Variants in SYT16 observed in about 807,000 individuals in gnomAD.
SYT16 encodes synaptotagmin 16.
SYT16 carries 42 observed loss-of-function variants against 61.4 expected under a neutral mutation model. The ratio of observed to expected loss-of-function variants is 0.68; its 90% CI spans 0.53 to 0.89. The LOEUF is 0.89. SYT16 is among the 40% of genes least tolerant of loss of function. The probability of loss-of-function intolerance (pLI) is 0.00; values close to 1 mark genes in which losing one functional copy is unlikely to be tolerated. For synonymous variants in SYT16, 314 were observed against 302.3 expected (o/e 1.04, Z -0.40); for missense variants, 804 against 807.3 (o/e 1.00, Z 0.05).
chr14:61,953,459 C>T (rs1474608343), intron 1 of SYT16, among the ~76,000 whole-genome samples: 3 of 152,094 alleles, frequency 2.0e-5, no homozygotes, highest in East Asian at 3.9e-4. Context: ...AGACCTCTCT[C>T]TTGTACTCTG....
At chr14:61,882,227 C>T (rs2047726353) in intron 1 of SYT16, among the ~76,000 whole-genome samples, 1 of 151,972 alleles carries the variant, frequency 6.6e-6, no homozygotes, top group Non-Finnish European at 1.5e-5. Flanking sequence ...GGATAATAAA[C>T]AAGAGAGTAC....
At chr14:61,944,403 CA>C (rs1263443918) in intron 1 of SYT16, among the ~76,000 whole-genome samples, 1 of 152,038 alleles carries the variant, frequency 6.6e-6, no homozygotes, top group African/African-American at 2.4e-5. Flanking sequence ...CATATGGAAC[CA>C]AAAAAGAGCC....
chr14:62,067,752 C>G (rs2140936287), intron 3 of SYT16, among the ~76,000 whole-genome samples: 1 of 152,154 alleles, frequency 6.6e-6, no homozygotes, highest in South Asian at 2.1e-4. Context: ...CCTGTAATCC[C>G]AACACTTTGG....
At chr14:62,043,292 C>T (rs1364039084) in intron 3 of SYT16, among the ~76,000 whole-genome samples, 1 of 151,774 alleles carries the variant, frequency 6.6e-6, no homozygotes, top group East Asian at 1.9e-4. Flanking sequence ...GTTTCGCTAT[C>T]GACTGTGATG....
intron 1 of SYT16, among the ~76,000 whole-genome samples, chr14:61,934,531 T>C (rs535849121): frequency 1.3e-5 from 2 of 152,326 alleles, no homozygotes; most frequent in East Asian, 3.9e-4. Flanking sequence ...ACTACACTTG[T>C]GGGTAGCACG....
chr14:61,912,322 A>G (rs1289013451), intron 1 of SYT16, among the ~76,000 whole-genome samples: 1 of 152,182 alleles, frequency 6.6e-6, no homozygotes. Context: ...ATTCATTTTC[A>G]TTTTGCTTAC....
intron 3 of SYT16, among the ~76,000 whole-genome samples, chr14:62,015,018 C>A (rs1432890200): frequency 6.6e-6 from 1 of 152,230 alleles, no homozygotes; most frequent in South Asian, 2.1e-4. Flanking sequence ...TCTCAAGCAG[C>A]ATTTTCTCTA....
At chr14:62,098,101 A>G (rs17099516) in intron 7 of SYT16, among the ~76,000 whole-genome samples, 32,987 of 152,234 alleles carry the variant, frequency 0.22, 3,783 homozygotes, top group East Asian at 0.4. Flanking sequence ...CATCAAACTG[A>G]AATAGAAAAA....
At position 61,987,088 on chromosome 14, in the gene SYT16, G is replaced by T. The variant is rs2052347910; in HGVS notation, c.-144-8788G>T. ...GGGTGTTATGGGAGAATATTTCAGC[G>T]ACATCATTTAGTGTGGATTATGGCG... On this transcript the variant is annotated intron_variant, in intron 2 of 7. Transcript: ENST00000683842. 2.0e-5 allele frequency among the ~76,000 whole-genome samples: 3 copies of T among 152,124 alleles called. 1 individual carries two copies. The South Asian group carries it at 6.2e-4, about 32-fold the overall frequency.
intron 3 of SYT16, among the ~76,000 whole-genome samples, chr14:62,057,053 C>T (rs1426649060): frequency 1.3e-5 from 2 of 152,150 alleles, no homozygotes; most frequent in Non-Finnish European, 2.9e-5. Flanking sequence ...AAAGCCCAGG[C>T]CGTGCAAAGG....
chr14:62,075,323 A>G lies in SYT16; in HGVS notation c.925A>G (p.Thr309Ala). 1 of 1,613,922 alleles carries G rather than the reference A, an allele frequency of 6.2e-7. No homozygotes were observed. Residue 309 changes from threonine (T) to alanine (A), a missense_variant, in exon 5 of 8, where the codon ACA becomes GCA. Transcript: ENST00000683842. ...CACAGAGGGCAGCTTGGAGATGGAG[A>G]CAGCTTTTAATAGCCGGGGATTTGA... ...QSTEGSLEME[T>A]AFNSRGFEDS...
At chr14:61,982,589 T>C (rs1374563917) in intron 2 of SYT16, among the ~76,000 whole-genome samples, 1 of 152,126 alleles carries the variant, frequency 6.6e-6, no homozygotes, top group Non-Finnish European at 1.5e-5. Flanking sequence ...TTATGGGAGC[T>C]ACAGTTCAAG....
chr14:61,975,611 T>G (rs1217365781), intron 2 of SYT16, among the ~76,000 whole-genome samples: 1 of 152,084 alleles, frequency 6.6e-6, no homozygotes, highest in African/African-American at 2.4e-5. Context: ...ACTCACTCAC[T>G]ATCATTAGAA....
chr14:61,933,957 T>TTGTGTGTATATATGAGAG (rs2049876587), intron 1 of SYT16, among the ~76,000 whole-genome samples: 1 of 152,194 alleles, frequency 6.6e-6, no homozygotes, highest in Non-Finnish European at 1.5e-5. Flanking sequence ...ACATGCATAT[T>TTGTGTGTATATATGAGAG]TGTGTGTATA....
rs77737119 is a variant in SYT16, at chr14:62,069,889, T to G, written c.736+74T>G. The G allele has an allele frequency of 6.8e-5, 100 of 1,462,716 alleles. No homozygotes were observed. In the East Asian group the frequency reaches 2.2e-3, roughly 32 times the overall value. The allele number at this position is 1,462,716 out of a possible 1,614,324, so 90.6% of individuals were successfully genotyped here. On this transcript the variant is annotated intron_variant, in intron 4 of 7. Coordinates refer to ENST00000683842, the MANE Select transcript of SYT16 (RefSeq NM_001367656.1). ...AAGAGTGCATCCGAATTATTCACCC[T>G]CTGCACTCTGCATCTGAGAGTCCAG...
intron 1 of SYT16, among the ~76,000 whole-genome samples, chr14:61,918,745 A>G (rs2049216404): frequency 6.6e-6 from 1 of 152,134 alleles, no homozygotes; most frequent in Non-Finnish European, 1.5e-5. Context: ...GTGATGAATC[A>G]TGGTTGATTT....
rs1352182254 is a variant in SYT16 at position 62,100,733 on chromosome 14, G to T, written c.*26G>T. ...GTTTGCTAACCTGCATTTGTGTGCT[G>T]TGTCCACCTTGGTTACCTGTGTTGC... On this transcript the variant is annotated 3_prime_UTR_variant, in exon 8 of 8. Coordinates refer to ENST00000683842, the MANE Select transcript of SYT16 (RefSeq NM_001367656.1). 6.3e-7 allele frequency: 1 copy of T among 1,598,096 alleles called. No individual in the cohort carries two copies. The highest frequency in any genetic ancestry group is 2.2e-5 in the East Asian group (1 of 44,746).
rs78448494 is a variant in SYT16, at chr14:61,958,025, G to A, written c.-324-12107G>A. 3.6e-3 allele frequency among the ~76,000 whole-genome samples: 549 copies of A among 151,774 alleles called. 6 individuals are homozygous for A. Among genetic ancestry groups the A allele is most frequent in the African/African-American group, 0.013 (529 of 41,484 alleles). ...TGTTACTTCTTGTTTTAGGTAGGTC[G>A]TATATTGTTAGGAACTTCTCCATTT... On this transcript the variant is annotated intron_variant, in intron 1 of 7. Coordinates refer to ENST00000683842, the MANE Select transcript of SYT16 (RefSeq NM_001367656.1).
intron 1 of SYT16, among the ~76,000 whole-genome samples, chr14:61,907,680 C>T (rs888030064): frequency 5.9e-5 from 9 of 152,208 alleles, no homozygotes; most frequent in African/African-American, 2.2e-4. Context: ...GCAGAAGCCA[C>T]AGTATTCCTT....
Sources: allele counts gnomAD v4.1 joint callset (sites outside exome capture counted in the v4.1 genomes callset), GRCh38; gene constraint gnomAD v4.1.1; transcripts MANE v1.5; gene names NCBI Gene and HGNC (gene_info 2026-07-23, HGNC 2026-07-21).